CALR3: variants seen among roughly 807,000 people sequenced by gnomAD.
CALR3 encodes calreticulin-3.
Under a neutral mutation model 48.7 loss-of-function variants are expected in CALR3, and 39 were observed. The observed-to-expected ratio is 0.80, with a 90% confidence interval of 0.62 to 1.05. CALR3 has a LOEUF of 1.05. Ranked by LOEUF, CALR3 falls within the 50% of genes least tolerant of loss-of-function variation. The pLI is 0.00. For synonymous variants in CALR3, 185 were observed against 172.7 expected (o/e 1.07, Z -0.56); for missense variants, 449 against 474.7 (o/e 0.95, Z 0.50).
chr19:16,495,874 A>G, intron 1 of CALR3, 22 bp from the exon 2 acceptor site: 1 of 1,605,170 alleles, frequency 6.2e-7, no homozygotes, highest in Non-Finnish European at 8.5e-7. Context: ...GGGAAATAAC[A>G]CCGGTTAGAG....
chr19:16,480,010 C>T (rs1239641590), intron 8 of CALR3, among the ~76,000 whole-genome samples: 1 of 150,536 alleles, frequency 6.6e-6, no homozygotes, highest in Non-Finnish European at 1.5e-5. Flanking sequence ...CGAGACCATC[C>T]TGGCCAATAT....
intron 3 of CALR3, among the ~76,000 whole-genome samples, chr19:16,488,284 A>C (rs1180289957): frequency 1.3e-5 from 2 of 151,820 alleles, no homozygotes; most frequent in Non-Finnish European, 2.9e-5. Context: ...GGGTCTCACT[A>C]TGTTGGCCAA....
At position 16,479,220 on chromosome 19, in the gene CALR3, G is replaced by T; in HGVS notation, c.1066C>A (p.Arg356Ser). The change falls in exon 9 of 9, where the codon CGC becomes AGC. Residue 356 changes from arginine to serine, a missense_variant. Arg to Ser is a moderately radical substitution (Grantham distance 110). Transcript: ENST00000269881. ...AGCAGCTCTTCCTCCTCTTCCTCGC[G>T]GGCCTTCTTCATTTCCTCCTTGGCC... ...IQAKEEMKKA[R>S]EEEEEELLSG... 6.2e-7 allele frequency: 1 copy of T among 1,613,952 alleles called. No homozygotes were observed. Among genetic ancestry groups the T allele is most frequent in the Non-Finnish European group, 8.5e-7 (1 of 1,179,988 alleles).
intron 8 of CALR3, 28 bp downstream of exon 8, chr19:16,480,586 T>A (rs1437567796): frequency 6.8e-7 from 1 of 1,480,034 alleles, no homozygotes; most frequent in Non-Finnish European, 9.5e-7. Flanking sequence ...AATAGTGATG[T>A]AGGAAGAGTT....
At chr19:16,486,387 T>C (rs1244133854) in intron 3 of CALR3, among the ~76,000 whole-genome samples, 2 of 150,838 alleles carry the variant, frequency 1.3e-5, no homozygotes, top group Non-Finnish European at 2.9e-5. Context: ...TTTGGGGGGC[T>C]GAGGCGGGTG....
At chr19:16,479,339 A>C in intron 8 of CALR3, 65 bp from the exon 9 acceptor site, 1 of 1,594,424 alleles carries the variant, frequency 6.3e-7, no homozygotes, top group Non-Finnish European at 8.6e-7. Context: ...TAATCCCAGC[A>C]CTTTGGGAGG....
intron 5 of CALR3, 40 bp downstream of exon 5, chr19:16,483,890 A>G (rs112527758): frequency 6.3e-7 from 1 of 1,594,712 alleles, no homozygotes; most frequent in South Asian, 1.1e-5. Flanking sequence ...TACAAACTAC[A>G]TTTGTGCACT....
At chr19:16,492,106 G>A (rs966454132) in intron 2 of CALR3, among the ~76,000 whole-genome samples, 2 of 152,020 alleles carry the variant, frequency 1.3e-5, no homozygotes, top group African/African-American at 4.8e-5. Flanking sequence ...TAAGATTACA[G>A]GTGTGAACCA....
chr19:16,483,244 G>C (rs916327926), intron 5 of CALR3, among the ~76,000 whole-genome samples: 4 of 152,136 alleles, frequency 2.6e-5, no homozygotes, highest in African/African-American at 4.8e-5. Context: ...CAGTTTGGTG[G>C]TCAGGAGGCC....
intron 7 of CALR3, among the ~76,000 whole-genome samples, chr19:16,481,599 A>G (rs887490082): frequency 2.6e-5 from 4 of 151,320 alleles, no homozygotes; most frequent in African/African-American, 9.7e-5. Flanking sequence ...CCCAGGATTA[A>G]GTTATTCTCA....
At position 16,495,582 on chromosome 19, in the gene CALR3, AGAG is replaced by A. The variant is rs2093406435; in HGVS notation, c.193+166_193+168del. ...TCAAAAAAAAAAAAAAAAAAAAAGG[AGAG>A]AAGAAACAAAAAAACAAGGAAAGGA... is the stretch of plus-strand genomic sequence containing the variant. On this transcript the variant is annotated intron_variant, in intron 2 of 8. Coordinates refer to ENST00000269881, the MANE Select transcript of CALR3 (RefSeq NM_145046.5). 2.1e-5 allele frequency among the ~76,000 whole-genome samples: 3 copies of A among 143,082 alleles called. No homozygotes were observed. The Admixed American group carries it at 2.1e-4, about 10-fold the overall frequency. 93.9% of individuals were successfully genotyped at this position (143,082 alleles called of 152,430 possible).
At position 16,482,436 on chromosome 19, in the gene CALR3, TAAAACCA is replaced by T. The variant is rs2093382402; in HGVS notation, c.918+7_918+13del. ...ACACGCAAAAAATCTAAAGTAAAGTTAAAACCAAATGACCTGCCAAAGCTCCAGGCCA... is the reference window on the plus strand; with the variant it reads ...ACACGCAAAAAATCTAAAGTAAAGTTAATGACCTGCCAAAGCTCCAGGCCA... On this transcript the variant is annotated splice_region_variant and intron_variant, in intron 7 of 8. Transcript: ENST00000269881. 3.1e-6 allele frequency: 5 copies of T among 1,613,968 alleles called. No individual in the cohort carries two copies. Among genetic ancestry groups the T allele is most frequent in the Non-Finnish European group, 2.5e-6 (3 of 1,180,028 alleles).
At chr19:16,481,658 C>G (rs1225186625) in intron 7 of CALR3, among the ~76,000 whole-genome samples, 1 of 151,730 alleles carries the variant, frequency 6.6e-6, no homozygotes, top group East Asian at 1.9e-4. Flanking sequence ...ACCACCACAC[C>G]CAGCTAATTT....
rs1030776741 is a variant in CALR3 at position 16,483,131 on chromosome 19, C to T, written c.679-346G>A. The stretch of plus-strand genomic sequence containing the variant: ...AAGTGCTGGTATTACAGGCATTAGC[C>T]ACCACACCCAGCCAGATGCTCAGAT... On this transcript the variant is annotated intron_variant, in intron 5 of 8. Transcript: ENST00000269881. Among the ~76,000 whole-genome samples, 3 of 152,148 alleles carry T rather than the reference C, an allele frequency of 2.0e-5. No homozygotes were observed. The East Asian group carries it at 5.8e-4, about 29-fold the overall frequency.
intron 2 of CALR3, among the ~76,000 whole-genome samples, chr19:16,494,687 A>T (rs962619243): frequency 6.6e-6 from 1 of 152,200 alleles, no homozygotes; most frequent in Non-Finnish European, 1.5e-5. Context: ...ACGAAAATTA[A>T]AATGAGAAAA....
In CALR3 at chr19:16,496,107, A is replaced by T; in HGVS notation, c.23T>A (p.Leu8His). The T allele has an allele frequency of 1.2e-6, 2 of 1,605,674 alleles. No homozygotes were observed. Among genetic ancestry groups the T allele is most frequent in the Non-Finnish European group, 8.5e-7 (1 of 1,176,314 alleles). MARALVQ[L>H]WAICMLRVAL... The stretch of plus-strand genomic sequence containing the variant: ...CACTCGCAGCATGCATATGGCCCAG[A>T]GCTGGACCAAAGCCCGGGCCATGGG... The change falls in exon 1 of 9, where the codon CTC becomes CAC. Residue 8 changes from leucine (L) to histidine (H), a missense_variant. By Grantham distance (99) the Leu-to-His change is moderately conservative (BLOSUM62 -3). Coordinates refer to ENST00000269881, the MANE Select transcript of CALR3 (RefSeq NM_145046.5).
intron 7 of CALR3, 80 bp downstream of exon 7, chr19:16,482,370 C>T (rs567386828): frequency 7.1e-6 from 11 of 1,545,936 alleles, no homozygotes; most frequent in Non-Finnish European, 7.9e-6. Context: ...CAGAATGAGA[C>T]CCTGTCTCAA....
chr19:16,490,588 T>G lies in CALR3; in HGVS notation c.194-18A>C. ...TTGCAGACCTTTGAACAAAATATAC[T>G]CATGAAGGATCAGGAATGACGCTGC... is the stretch of plus-strand genomic sequence containing the variant. On this transcript the variant is annotated intron_variant, in intron 2 of 8. Coordinates refer to ENST00000269881, the MANE Select transcript of CALR3 (RefSeq NM_145046.5). 1 of 1,607,416 alleles carries G rather than the reference T, an allele frequency of 6.2e-7. No individual in the cohort carries two copies. The highest frequency in any genetic ancestry group is 8.5e-7 in the Non-Finnish European group (1 of 1,174,016).
rs527495125 is a variant in CALR3 at position 16,495,923 on chromosome 19, G to A, written c.92-71C>T. 2.5e-5 allele frequency: 39 copies of A among 1,568,774 alleles called. No homozygotes were observed. In the South Asian group the frequency reaches 4.1e-4, roughly 17 times the overall value. ...ATTTGGGCTAAGGGAAGGGTGAAGG[G>A]GACCCTCGAGGATTCGAGGGTTCGC... On this transcript the variant is annotated intron_variant, in intron 1 of 8. Coordinates refer to ENST00000269881, the MANE Select transcript of CALR3 (RefSeq NM_145046.5).
Sources: allele counts gnomAD v4.1 joint callset (sites outside exome capture counted in the v4.1 genomes callset), GRCh38; gene constraint gnomAD v4.1.1; transcripts MANE v1.5; gene names NCBI Gene and HGNC (gene_info 2026-07-23, HGNC 2026-07-21).